MAP4K2: variants seen among roughly 807,000 people sequenced by gnomAD.
MAP4K2 encodes the protein mitogen-activated protein kinase kinase kinase kinase 2.
MAP4K2 carries 85 observed loss-of-function variants against 125.3 expected under a neutral mutation model. The ratio of observed to expected loss-of-function variants is 0.68; its 90% confidence interval spans 0.57 to 0.81. MAP4K2 has a LOEUF of 0.81. Ranked by LOEUF, MAP4K2 falls within the 40% of genes least tolerant of loss-of-function variation. MAP4K2 has a pLI of 0.00. For synonymous variants in MAP4K2, 479 were observed against 445.1 expected (o/e 1.08, Z -0.96); for missense variants, 923 against 1,056.4 (o/e 0.87, Z 1.75).
rs1565607869 is a variant in MAP4K2 at position 64,790,189 on chromosome 11, C to T, written c.2247G>A (p.Val749=). Residue 749 remains valine, a splice_region_variant and synonymous_variant, in exon 29 of 32, where the codon GTG becomes GTA. Transcript: ENST00000294066. ...ELTFDFPIET[V]VCLQDSVLAF... ...GCACCCCACCTCTGGCTCACTCACCCACAGTCTCGATGGGGAAATCAAAGG... is the reference window on the plus strand; with the variant it reads ...GCACCCCACCTCTGGCTCACTCACCTACAGTCTCGATGGGGAAATCAAAGG... 1 of 1,614,150 alleles carries T rather than the reference C, an allele frequency of 6.2e-7. No homozygotes were observed. The highest frequency in any genetic ancestry group is 1.3e-5 in the African/African-American group (1 of 75,048).
Position 64,800,112 on chromosome 11 carries a change from C to T in MAP4K2, c.912G>A (p.Leu304=), listed in dbSNP as rs750040340. 5 of 1,603,498 alleles carry T rather than the reference C, an allele frequency of 3.1e-6. No individual in the cohort carries two copies. The highest frequency in any genetic ancestry group is 2.2e-5 in the South Asian group (2 of 89,678). Residue 304 remains leucine (L), a synonymous_variant, in exon 12 of 32, where the codon CTG becomes CTA. Transcript: ENST00000294066. ...LGTPSPEDCE[L]ETYDMFPDTI... is the part of the protein sequence containing the mutation. Reference sequence around the variant, plus strand: ...CTTTCCAGCCCCCCTCACCTACCTCCAGCTCACAGTCCTCAGGGGAGGGGG... The same window carrying T: ...CTTTCCAGCCCCCCTCACCTACCTCTAGCTCACAGTCCTCAGGGGAGGGGG...
chr11:64,795,970 G>A (rs981225329), intron 24 of MAP4K2, among the ~76,000 whole-genome samples: 1 of 152,200 alleles, frequency 6.6e-6, no homozygotes, highest in Non-Finnish European at 1.5e-5. Context: ...CCGAAGCCCA[G>A]CATAGGGGCC....
intron 5 of MAP4K2, 70 bp downstream of exon 5, chr11:64,801,996 C>A (rs1033575037): frequency 6.7e-7 from 1 of 1,499,752 alleles, no homozygotes; most frequent in South Asian, 1.2e-5. Context: ...CGCCTCCCTG[C>A]TGGTCATCTG....
At position 64,796,644 on chromosome 11, in the gene MAP4K2, G is replaced by GT. The variant is rs753751603; in HGVS notation, c.1561dup (p.Thr521AsnfsTer34). Reference sequence around the variant, plus strand: ...CCAGCCGGGCCTCACCTTCTCCAGCGTATCCTCATGCAGTTCATGCAGGTT... The same window carrying GT: ...CCAGCCGGGCCTCACCTTCTCCAGCGTTATCCTCATGCAGTTCATGCAGGTT... On this transcript the variant is annotated frameshift_variant, in exon 22 of 32. Coordinates refer to ENST00000294066, the MANE Select transcript of MAP4K2 (RefSeq NM_004579.5). LOFTEE classifies it high-confidence loss of function. 6.2e-7 allele frequency: 1 copy of GT among 1,614,086 alleles called. No individual in the cohort carries two copies. The highest frequency in any genetic ancestry group is 1.7e-5 in the Admixed American group (1 of 60,036).
intron 16 of MAP4K2, 21 bp downstream of exon 16, chr11:64,797,605 C>T (rs1464170377): frequency 3.2e-6 from 5 of 1,578,682 alleles, no homozygotes; most frequent in South Asian, 1.2e-5. Context: ...CTTGCCCCTC[C>T]CCCAGGCCCA....
intron 24 of MAP4K2, among the ~76,000 whole-genome samples, chr11:64,792,797 G>C (rs1940579430): frequency 6.6e-6 from 1 of 152,204 alleles, no homozygotes. Context: ...TAATACAGGG[G>C]AGGTGCTCTC....
chr11:64,799,624 C>T lies in MAP4K2; in HGVS notation c.975G>A (p.Arg325=). 6.2e-7 allele frequency: 1 copy of T among 1,614,096 alleles called. No homozygotes were observed. Among genetic ancestry groups the T allele is most frequent in the Non-Finnish European group, 8.5e-7 (1 of 1,180,030 alleles). ...ACTCACACTGGATCTCCGAGGGGGT[C>T]CTCTCGGCTGGGCCGTGCTGCCCCC... ...HSRGQHGPAE[R]TPSEIQFHQV... The change falls in exon 13 of 32, where the codon AGG becomes AGA. Residue 325 remains arginine (R), a synonymous_variant. Transcript: ENST00000294066.
In MAP4K2 at chr11:64,789,503, T is replaced by TGGGGC; in HGVS notation, c.*29_*33dup. ...AAGGGCCTGCAGCTAAGGCGTGGGGTGGGGCGGGGAGCCCCTGGACAGGCC... is the reference window on the plus strand; with the variant it reads ...AAGGGCCTGCAGCTAAGGCGTGGGGTGGGGCGGGGCGGGGAGCCCCTGGACAGGCC... On this transcript the variant is annotated 3_prime_UTR_variant, in exon 32 of 32. Transcript: ENST00000294066. 1 of 1,544,620 alleles carries TGGGGC rather than the reference T, an allele frequency of 6.5e-7. No individual in the cohort carries two copies. The highest frequency in any genetic ancestry group is 8.8e-7 in the Non-Finnish European group (1 of 1,139,578).
intron 26 of MAP4K2, 27 bp from the exon 27 acceptor site, chr11:64,792,113 C>A: frequency 6.3e-7 from 1 of 1,579,044 alleles, no homozygotes. Flanking sequence ...ATGCTCAGGT[C>A]TCCATTTCTC....
chr11:64,799,996 G>A (rs1264644209), intron 12 of MAP4K2, 113 bp downstream of exon 12: 1 of 908,592 alleles, frequency 1.1e-6, no homozygotes, highest in African/African-American at 1.6e-5. Flanking sequence ...GCTCAGCTGA[G>A]GCCAGCTCCC....
intron 24 of MAP4K2, 114 bp downstream of exon 24, chr11:64,796,159 G>T: frequency 2.1e-6 from 2 of 937,708 alleles, no homozygotes; most frequent in Non-Finnish European, 3.1e-6. Context: ...GGAAACGGGC[G>T]CTCAGAGAGA....
At chr11:64,790,975 A>G (rs543581167) in intron 27 of MAP4K2, among the ~76,000 whole-genome samples, 1 of 152,258 alleles carries the variant, frequency 6.6e-6, no homozygotes, top group Admixed American at 6.5e-5. Flanking sequence ...ATTTCTACTA[A>G]TAATACAAAA....
Position 64,803,199 on chromosome 11 carries a change from C to CGGCGCGGGGCGGCGCG in MAP4K2, c.-51_-50insCGCGCCGCCCCGCGCC, listed in dbSNP as rs1168733683. On this transcript the variant is annotated 5_prime_UTR_variant, in exon 1 of 32. Transcript: ENST00000294066. ...GGCGGGCGGGCGCGAGCTGCGGAGC[C>CGGCGCGGGGCGGCGCG]GGCGCGGGGCGGCGCGGGGCGGGGC... The CGGCGCGGGGCGGCGCG allele has an allele frequency of 2.6e-5, 18 of 692,126 alleles. No homozygotes were observed. In the African/African-American group the frequency reaches 3.4e-4, roughly 13 times the overall value. The allele number at this position is 692,126 out of a possible 1,614,324, so 42.9% of individuals were successfully genotyped here.
chr11:64,799,313 C>T (rs1022959640), intron 14 of MAP4K2, 108 bp downstream of exon 14: 14 of 1,403,434 alleles, frequency 1.0e-5, no homozygotes, highest in East Asian at 9.1e-5. Flanking sequence ...GCCCAAGGCC[C>T]GAGGCCACCC....
chr11:64,802,176 C>T, intron 4 of MAP4K2, 55 bp from the exon 5 acceptor site: 2 of 1,506,538 alleles, frequency 1.3e-6, no homozygotes, highest in African/African-American at 1.4e-5. Flanking sequence ...GCCCACCCTC[C>T]CAGGCTACCG....
At chr11:64,802,368 T>A in intron 4 of MAP4K2, 51 bp downstream of exon 4, 1 of 1,479,874 alleles carries the variant, frequency 6.8e-7, no homozygotes, top group Non-Finnish European at 9.0e-7. Flanking sequence ...CCCAGTGGGG[T>A]AGGGGTGGGG....
chr11:64,790,569 A>C (rs774080132), intron 27 of MAP4K2, 107 bp from the exon 28 acceptor site: 1 of 1,026,160 alleles, frequency 9.7e-7, no homozygotes, highest in Non-Finnish European at 1.5e-6. Flanking sequence ...AGGGCACGTC[A>C]GCCTCACAAC....
rs1377355023 is a variant in MAP4K2 at position 64,791,849 on chromosome 11, C to T, written c.2092+60G>A. 6.9e-6 allele frequency: 10 copies of T among 1,445,658 alleles called. No homozygotes were observed. The African/African-American group carries it at 1.4e-4, about 21-fold the overall frequency. The allele number at this position is 1,445,658 out of a possible 1,614,324, so 89.6% of individuals were successfully genotyped here. Reference sequence around the variant, plus strand: ...TTGGGAGCCTTGGCCCTCCCTGCCTCCCTCCCTCGGTCTCTCATGCACACA... The same window carrying T: ...TTGGGAGCCTTGGCCCTCCCTGCCTTCCTCCCTCGGTCTCTCATGCACACA... On this transcript the variant is annotated intron_variant, in intron 27 of 31. Transcript: ENST00000294066.
chr11:64,785,865 C>A lies in MAP4K2; in HGVS notation c.*3672G>T, dbSNP rs1319868657. On this transcript the variant is annotated 3_prime_UTR_variant, in exon 32 of 32. Coordinates refer to ENST00000294066, the MANE Select transcript of MAP4K2 (RefSeq NM_004579.5). ...TCAGTTTCCCAAAGTGCTGGGATTACAGACATGAACCACCATGCCCAAACT... is the reference window on the plus strand; with the variant it reads ...TCAGTTTCCCAAAGTGCTGGGATTAAAGACATGAACCACCATGCCCAAACT... 6.6e-6 allele frequency: 1 copy of A among 152,158 alleles called. No individual in the cohort carries two copies. Among genetic ancestry groups the A allele is most frequent in the Non-Finnish European group, 1.5e-5 (1 of 68,038 alleles). 9.4% of individuals were successfully genotyped at this position (152,158 alleles called of 1,614,324 possible). A position where few individuals can be genotyped will look rare whatever the true frequency, so the allele number is the denominator to read the frequency against.
Sources: allele counts gnomAD v4.1 joint callset (sites outside exome capture counted in the v4.1 genomes callset), GRCh38; gene constraint gnomAD v4.1.1; transcripts MANE v1.5; gene names NCBI Gene and HGNC (gene_info 2026-07-23, HGNC 2026-07-21).